Variants in ARHGAP32 observed in about 807,000 individuals in gnomAD.
The protein encoded by ARHGAP32 is Rho GTPase activating protein 32.
In ARHGAP32, 51 loss-of-function variants were observed where a neutral mutation model predicts 186.5. The ratio of observed to expected loss-of-function variants is 0.27; its 90% confidence interval spans 0.22 to 0.35. ARHGAP32 has a LOEUF of 0.35. ARHGAP32 is among the 10% of genes least tolerant of loss of function. The probability of loss-of-function intolerance (pLI) is 1.00; values close to 1 mark genes in which losing one functional copy is unlikely to be tolerated. For synonymous variants in ARHGAP32, 950 were observed against 964.3 expected, an observed-to-expected ratio of 0.99 and a Z score of 0.27; for missense variants, 2,186 against 2,623.5, an observed-to-expected ratio of 0.83 and a Z score of 3.64.
In ARHGAP32 at chr11:128,973,106, G is replaced by T. The variant is rs1478730913; in HGVS notation, c.3400C>A (p.Pro1134Thr). The change falls in exon 22 of 23, where the codon CCT becomes ACT. Residue 1134 changes from proline (P) to threonine (T), a missense_variant. Pro to Thr is a conservative substitution (Grantham distance 38, BLOSUM62 -1). This residue lies in a region of ARHGAP32 where 1,502 missense variants were observed against 1,570.0 expected (regional missense o/e 0.96). Transcript: ENST00000682385. ...CCAGTAGCTGTTGTCTCTGGTAGAGGATGGTCACAGTTTCCTGGTGCATTA... is the reference window on the plus strand; with the variant it reads ...CCAGTAGCTGTTGTCTCTGGTAGAGTATGGTCACAGTTTCCTGGTGCATTA... ...QNNAPGNCDH[P>T]LPETTATGDP... is the part of the protein sequence containing the mutation. 1 of 1,614,196 alleles carries T rather than the reference G, an allele frequency of 6.2e-7. No individual in the cohort carries two copies. Among genetic ancestry groups the T allele is most frequent in the Non-Finnish European group, 8.5e-7 (1 of 1,180,032 alleles).
chr11:129,192,180 T>C lies in ARHGAP32; in HGVS notation c.19A>G (p.Ser7Gly), dbSNP rs763526122. The C allele has an allele frequency of 3.1e-6, 5 of 1,613,508 alleles. No individual in the cohort carries two copies. In the East Asian group the frequency reaches 6.7e-5, roughly 22 times the overall value. METESE[S>G]STLGDDSVFW... is the part of the protein sequence containing the mutation. ...ACACTGTCATCCCCTAAAGTGCTAC[T>C]CTCACTTTCAGTCTCCATCTTGTAC... The change falls in exon 1 of 23, where the codon AGT (serine) becomes GGT (glycine). Residue 7 changes from serine to glycine, a missense_variant. Ser to Gly is a moderately conservative substitution (Grantham distance 56). Around this residue, in one of 5 missense-constraint regions of ARHGAP32, gnomAD observed 108 missense variants for 116.8 expected, o/e 0.92. Coordinates refer to ENST00000682385, the MANE Select transcript of ARHGAP32 (RefSeq NM_001378024.1).
chr11:129,202,433 T>C (rs943550754), intron 1 of ARHGAP32, among the ~76,000 whole-genome samples: 2 of 152,002 alleles, frequency 1.3e-5, no homozygotes, highest in Admixed American at 6.5e-5. Flanking sequence ...ATAGGAAATA[T>C]AAGTTCAAAA....
intron 11 of ARHGAP32, among the ~76,000 whole-genome samples, chr11:129,002,702 A>G (rs1166150458): frequency 6.6e-6 from 1 of 152,040 alleles, no homozygotes; most frequent in Non-Finnish European, 1.5e-5. Context: ...TTCTCCATTC[A>G]GTAAGATGCT....
Position 128,975,667 on chromosome 11 carries a change from G to A in ARHGAP32, c.2195-665C>T, listed in dbSNP as rs553041755. ...TACGATGTTGCTAAATATCCAACTG[G>A]TAAAAAAGAAACTCTCTATTCTATT... On this transcript the variant is annotated intron_variant, in intron 20 of 22. Coordinates refer to ENST00000682385, the MANE Select transcript of ARHGAP32 (RefSeq NM_001378024.1). 1.2e-3 allele frequency among the ~76,000 whole-genome samples: 175 copies of A among 151,978 alleles called. 2 individuals are homozygous for A. The highest frequency in any genetic ancestry group is 4.1e-3 in the African/African-American group (171 of 41,462).
At chr11:129,171,198 G>C (rs1055735092) in intron 1 of ARHGAP32, among the ~76,000 whole-genome samples, 2 of 152,070 alleles carry the variant, frequency 1.3e-5, no homozygotes, top group Non-Finnish European at 2.9e-5. Context: ...GTCAATTTTG[G>C]CTCTTATTGC....
In ARHGAP32 at chr11:128,974,926, C is replaced by T; in HGVS notation, c.2271G>A (p.Met757Ile). ...CATAGGAGTTACAGCGGTTCCCCAG[C>T]ATTTCTCCATTAAAAGAGGCAGACA... ...DALSASFNGEMLGNRCNSYDN... is the reference protein window; with the variant it reads ...DALSASFNGEILGNRCNSYDN... The change falls in exon 21 of 23, where the codon ATG becomes ATA. Residue 757 changes from methionine (M) to isoleucine (I), a missense_variant. By Grantham distance (10) the Met-to-Ile change is conservative (BLOSUM62 1). Transcript: ENST00000682385. 1 of 1,614,098 alleles carries T rather than the reference C, an allele frequency of 6.2e-7. No homozygotes were observed. The highest frequency in any genetic ancestry group is 8.5e-7 in the Non-Finnish European group (1 of 1,179,992).
At chr11:129,010,482 A>T (rs1938026544) in intron 11 of ARHGAP32, among the ~76,000 whole-genome samples, 1 of 152,074 alleles carries the variant, frequency 6.6e-6, no homozygotes, top group Admixed American at 6.6e-5. Context: ...AGGTGTAAGG[A>T]AGGGGTCTAG....
At chr11:129,037,136 A>C (rs1335542163) in intron 11 of ARHGAP32, among the ~76,000 whole-genome samples, 1 of 152,244 alleles carries the variant, frequency 6.6e-6, no homozygotes, top group Non-Finnish European at 1.5e-5. Context: ...ATATTTATAA[A>C]GAAATTCAAC....
intron 5 of ARHGAP32, among the ~76,000 whole-genome samples, chr11:129,118,757 G>A (rs184676387): frequency 3.3e-5 from 5 of 151,946 alleles, no homozygotes; most frequent in Non-Finnish European, 7.4e-5. Context: ...TTTAAAAGGG[G>A]TGGAGAATGG....
chr11:129,077,285 G>T (rs531324912), intron 6 of ARHGAP32, among the ~76,000 whole-genome samples: 405 of 152,290 alleles, frequency 2.7e-3, no homozygotes, highest in African/African-American at 9.2e-3. Flanking sequence ...CAGAATCCAG[G>T]TTGGGTTGGG....
intron 6 of ARHGAP32, among the ~76,000 whole-genome samples, chr11:129,079,515 G>GA (rs1289229614): frequency 1.3e-5 from 2 of 151,700 alleles, no homozygotes; most frequent in East Asian, 1.9e-4. Flanking sequence ...GTAAATGAAA[G>GA]AAAAAAAAGT....
intron 2 of ARHGAP32, among the ~76,000 whole-genome samples, chr11:129,152,584 T>C (rs73019146): frequency 0.068 from 10,270 of 152,030 alleles, 410 homozygotes; most frequent in Middle Eastern, 0.082. Context: ...GTTGAACACA[T>C]CTAAATCAAT....
At chr11:129,101,204 A>G (rs970471193) in intron 5 of ARHGAP32, among the ~76,000 whole-genome samples, 7 of 151,640 alleles carry the variant, frequency 4.6e-5, no homozygotes, top group Admixed American at 2.6e-4. Context: ...TAAAAGGGGG[A>G]AAAAAAACAT....
At chr11:129,125,804 T>C (rs1400458531) in intron 2 of ARHGAP32, 1 of 374,180 alleles carries the variant, frequency 2.7e-6, no homozygotes, top group Non-Finnish European at 5.2e-6. Flanking sequence ...AGGGTTTTTT[T>C]TTTCTTAGCA....
At chr11:129,028,667 T>C (rs180980752) in intron 11 of ARHGAP32, among the ~76,000 whole-genome samples, 35 of 152,366 alleles carry the variant, frequency 2.3e-4, no homozygotes, top group Non-Finnish European at 4.4e-4. Context: ...GACATGTTTG[T>C]CACTTATGAA....
intron 1 of ARHGAP32, among the ~76,000 whole-genome samples, chr11:129,209,441 A>T (rs1456446440): frequency 2.0e-5 from 3 of 150,562 alleles, no homozygotes; most frequent in East Asian, 1.9e-4. Context: ...TAAGATATAT[A>T]AAAAAAAGTA....
At chr11:129,156,859 G>A (rs567998131) in intron 2 of ARHGAP32, among the ~76,000 whole-genome samples, 1 of 152,272 alleles carries the variant, frequency 6.6e-6, no homozygotes, top group African/African-American at 2.4e-5. Flanking sequence ...TGCCCCTCTG[G>A]GACGAAGCTT....
intron 6 of ARHGAP32, among the ~76,000 whole-genome samples, chr11:129,080,301 T>C (rs1158368243): frequency 2.0e-5 from 3 of 152,164 alleles, no homozygotes; most frequent in Non-Finnish European, 4.4e-5. Context: ...AGAATATACA[T>C]TCTTTTCATC....
chr11:129,165,382 T>C (rs960529974), intron 1 of ARHGAP32, among the ~76,000 whole-genome samples: 1 of 151,712 alleles, frequency 6.6e-6, no homozygotes, highest in Non-Finnish European at 1.5e-5. Context: ...TGAGCTCTTA[T>C]GTGTGACTCT....
Sources: gnomAD v4.1 joint callset for allele counts (sites outside exome capture counted in the v4.1 genomes callset) on GRCh38, gnomAD v4.1.1 for gene constraint, gnomAD v4.1.1 regional missense constraint, MANE v1.5 for transcripts, NCBI Gene and HGNC (gene_info 2026-07-23, HGNC 2026-07-21) for gene names.